Variants in DLC1 observed in about 807,000 individuals in gnomAD.
The protein encoded by DLC1 is rho GTPase-activating protein 7.
A neutral mutation model predicts 140.3 loss-of-function variants in DLC1; 54 were observed. That is an observed-to-expected ratio of 0.38 (90% CI 0.31 to 0.48). DLC1 has a LOEUF of 0.48. Ranked by LOEUF, DLC1 falls within the 20% of genes least tolerant of loss-of-function variation. The pLI is 0.96. For synonymous variants in DLC1, 986 were observed against 728.1 expected (o/e 1.35, Z -5.70); for missense variants, 2,536 against 1,907.0 (o/e 1.33, Z -6.14).
chr8:13,566,649 G>C (rs796475052), intron 1 of DLC1, among the ~76,000 whole-genome samples: 5 of 152,292 alleles, frequency 3.3e-5, no homozygotes, highest in African/African-American at 1.2e-4. Flanking sequence ...TCTGACCCCT[G>C]GGAAACAGAG....
At chr8:13,302,959 A>C (rs1832262501) in intron 5 of DLC1, among the ~76,000 whole-genome samples, 1 of 152,202 alleles carries the variant, frequency 6.6e-6, no homozygotes, top group Non-Finnish European at 1.5e-5. Context: ...GATTGCTTAG[A>C]CTGTTATGGT....
At chr8:13,153,501 A>G (rs1824001797) in intron 5 of DLC1, among the ~76,000 whole-genome samples, 1 of 152,178 alleles carries the variant, frequency 6.6e-6, no homozygotes, top group Admixed American at 6.5e-5. Context: ...AAAACGACCC[A>G]AACAGGTCGC....
At chr8:13,290,329 T>C (rs914419223) in intron 5 of DLC1, among the ~76,000 whole-genome samples, 7 of 152,180 alleles carry the variant, frequency 4.6e-5, no homozygotes, top group African/African-American at 1.7e-4. Context: ...TGTTAATATT[T>C]ATGGTTACTA....
At chr8:13,357,256 G>C (rs528918499) in intron 4 of DLC1, among the ~76,000 whole-genome samples, 17 of 152,302 alleles carry the variant, frequency 1.1e-4, no homozygotes, top group African/African-American at 4.1e-4. Flanking sequence ...GGGCAACAGA[G>C]TGAGAGTCTG....
At chr8:13,106,761 A>G (rs1819599729) in intron 7 of DLC1, among the ~76,000 whole-genome samples, 1 of 152,244 alleles carries the variant, frequency 6.6e-6, no homozygotes, top group Admixed American at 6.5e-5. Context: ...TGCAGGTGAC[A>G]GTGTGGAAAT....
intron 4 of DLC1, among the ~76,000 whole-genome samples, chr8:13,390,178 C>T (rs1055394706): frequency 6.6e-6 from 1 of 152,040 alleles, no homozygotes; most frequent in Non-Finnish European, 1.5e-5. Context: ...AAGGGTGTAC[C>T]TAAAAGAATA....
intron 4 of DLC1, among the ~76,000 whole-genome samples, chr8:13,323,943 T>A (rs1178876313): frequency 6.6e-6 from 1 of 152,174 alleles, no homozygotes; most frequent in Non-Finnish European, 1.5e-5. Context: ...AGCAAAGTGG[T>A]TTACGAATTA....
chr8:13,602,953 G>T (rs1007709403), intron 1 of DLC1, among the ~76,000 whole-genome samples: 7 of 151,774 alleles, frequency 4.6e-5, no homozygotes, highest in African/African-American at 7.2e-5. Context: ...TAAGGGAAAG[G>T]TCTTTGTGCT....
chr8:13,567,310 C>G, intron 1 of DLC1: 2 of 1,551,734 alleles, frequency 1.3e-6, no homozygotes, highest in Non-Finnish European at 1.7e-6. Flanking sequence ...AGACACCAAA[C>G]TTCCAACAGA....
intron 4 of DLC1, among the ~76,000 whole-genome samples, chr8:13,380,173 A>G (rs1212862442): frequency 1.3e-5 from 2 of 152,236 alleles, no homozygotes; most frequent in Middle Eastern, 3.2e-3. Flanking sequence ...ATCAAGCTGC[A>G]TAATAGAAAA....
chr8:13,358,824 A>G (rs956957601), intron 4 of DLC1, among the ~76,000 whole-genome samples: 14 of 152,216 alleles, frequency 9.2e-5, no homozygotes, highest in Admixed American at 8.5e-4. Flanking sequence ...ACTCAGTGAC[A>G]AAGTTATTAA....
At position 13,201,856 on chromosome 8, in the gene DLC1, T is replaced by A. The variant is rs1215963967; in HGVS notation, c.1349-86199A>T. On this transcript the variant is annotated intron_variant, in intron 5 of 17. Transcript: ENST00000276297. ...ATGCCGGTTTGTTATATAGGTAAACTCATGTCACAGGGTTTGTCATACAGA... is the reference window on the plus strand; with the variant it reads ...ATGCCGGTTTGTTATATAGGTAAACACATGTCACAGGGTTTGTCATACAGA... Among the ~76,000 whole-genome samples, 3 of 151,740 alleles carry A rather than the reference T, an allele frequency of 2.0e-5. No homozygotes were observed. The East Asian group carries it at 5.8e-4, about 29-fold the overall frequency.
chr8:13,233,632 T>C (rs1188286), intron 5 of DLC1, among the ~76,000 whole-genome samples: 73,118 of 152,048 alleles, frequency 0.48, 18,054 homozygotes, highest in East Asian at 0.8. Flanking sequence ...TGCTATAATA[T>C]CATAGTCAAT....
At chr8:13,390,996 G>GA (rs34458274) in intron 4 of DLC1, among the ~76,000 whole-genome samples, 97,234 of 141,176 alleles carry the variant, frequency 0.69, 34,072 homozygotes, top group East Asian at 0.9. Flanking sequence ...AAAAAAAAAA[G>GA]AAAAAAAAAA....
At position 13,092,865 on chromosome 8, in the gene DLC1, T is replaced by A. The variant is rs1249415975; in HGVS notation, c.3527-40A>T. On this transcript the variant is annotated intron_variant, in intron 12 of 17. Coordinates refer to ENST00000276297, the MANE Select transcript of DLC1 (RefSeq NM_182643.3). ...CACTTTCTCCATCAGCTTGGTGAAT[T>A]TGCATGGACATTGCAAGGAAATGTC... 4.4e-6 allele frequency: 7 copies of A among 1,588,004 alleles called. No individual in the cohort carries two copies. In the Admixed American group the frequency reaches 8.6e-5, roughly 20 times the overall value.
At chr8:13,537,983 C>G (rs187207547) in intron 1 of DLC1, among the ~76,000 whole-genome samples, 10 of 152,240 alleles carry the variant, frequency 6.6e-5, no homozygotes, top group African/African-American at 2.4e-4. Context: ...GAGGTTAATA[C>G]GTTCCACGCT....
intron 5 of DLC1, among the ~76,000 whole-genome samples, chr8:13,289,129 A>G (rs1294966583): frequency 6.6e-6 from 1 of 152,120 alleles, no homozygotes; most frequent in African/African-American, 2.4e-5. Context: ...TCCCAGGGCT[A>G]CCACTCCACA....
chr8:13,371,385 C>G (rs1563292087), intron 4 of DLC1, among the ~76,000 whole-genome samples: 1 of 151,978 alleles, frequency 6.6e-6, no homozygotes, highest in Non-Finnish European at 1.5e-5. Context: ...CTGTTTCTAT[C>G]TCTCTGTCTC....
rs117937358 is a variant in DLC1 at position 13,498,948 on chromosome 8, A to T, written c.1023+101T>A. ...ACACATCTGCATAACAGGGCAAAAG[A>T]ACCATCTTCATATCTTTTTAATCCA... On this transcript the variant is annotated intron_variant, in intron 2 of 17. Transcript: ENST00000276297. 0.028 allele frequency: 39,015 copies of T among 1,385,460 alleles called. 641 individuals are homozygous for T. Among genetic ancestry groups the T allele is most frequent in the Non-Finnish European group, 0.032 (32,917 of 1,043,916 alleles). 85.8% of individuals were successfully genotyped at this position (1,385,460 alleles called of 1,614,324 possible).
Sources: allele counts gnomAD v4.1 joint callset (sites outside exome capture counted in the v4.1 genomes callset), GRCh38; gene constraint gnomAD v4.1.1; transcripts MANE v1.5; gene names NCBI Gene and HGNC (gene_info 2026-07-23, HGNC 2026-07-21).